The following MRPL24 variants were observed in gnomAD, a reference collection of about 807,000 sequenced individuals.
The protein encoded by MRPL24 is mitochondrial ribosomal protein L24.
In MRPL24, 15 loss-of-function variants were observed where a neutral mutation model predicts 26.9. The observed-to-expected ratio is 0.56, with a 90% CI of 0.37 to 0.86. The LOEUF is 0.86. Ranked by LOEUF, MRPL24 falls within the 40% of genes least tolerant of loss-of-function variation. The pLI is 0.00. For synonymous variants in MRPL24, 92 were observed against 102.4 expected (o/e 0.90, Z 0.62); for missense variants, 241 against 281.4 (o/e 0.86, Z 1.03).
In MRPL24 at chr1:156,738,556, GA is replaced by G; in HGVS notation, c.148del (p.Ser50LeufsTer16). Reference sequence around the variant, plus strand: ...ACAGAACAGATACCAGTCTTCATCAGAGATGGGTTCCACAACCACTGGGCGC... The same window carrying G: ...ACAGAACAGATACCAGTCTTCATCAGGATGGGTTCCACAACCACTGGGCGC... Reference protein sequence around the residue: ...RRRPVVVEPISDEDWYLFCGD... With the variant: ...RRRPVVVEPIXDEDWYLFCGD... On this transcript the variant is annotated frameshift_variant, in exon 2 of 6. Transcript: ENST00000361531. LOFTEE classifies it high-confidence loss of function. 6.2e-7 allele frequency: 1 copy of G among 1,614,126 alleles called. No homozygotes were observed. Among genetic ancestry groups the G allele is most frequent in the South Asian group, 1.1e-5 (1 of 91,086 alleles).
rs73002708 is a variant in MRPL24, at chr1:156,738,334, T to G, written c.279+9A>C. 0.019 allele frequency: 31,403 copies of G among 1,613,630 alleles called. 381 individuals are homozygous for G. Among genetic ancestry groups the G allele is most frequent in the African/African-American group, 0.047 (3,517 of 74,976 alleles). ...TTCCTGAGCATCCCCATCCCCTCTC[T>G]CAACTTACTGTGTTCAGCCCTCCCA... On this transcript the variant is annotated intron_variant, in intron 3 of 5. Coordinates refer to ENST00000361531, the MANE Select transcript of MRPL24 (RefSeq NM_145729.3).
At chr1:156,741,211 C>A (rs1489924958), upstream of MRPL24, 1 of 152,226 alleles carries the variant, frequency 6.6e-6, no homozygotes. Context: ...TAGTCCGCCG[C>A]TAGAAAGCTG....
In MRPL24 at chr1:156,738,016, A is replaced by G; in HGVS notation, c.383+15T>C. ...AGAGGGTGAGAAACCCTCTGCCCAGAGCCCCGTTGCTTGCCTGTCCATAGG... is the reference window on the plus strand; with the variant it reads ...AGAGGGTGAGAAACCCTCTGCCCAGGGCCCCGTTGCTTGCCTGTCCATAGG... On this transcript the variant is annotated intron_variant, in intron 4 of 5. Transcript: ENST00000361531. 6.2e-7 allele frequency: 1 copy of G among 1,612,244 alleles called. No individual in the cohort carries two copies. The highest frequency in any genetic ancestry group is 8.5e-7 in the Non-Finnish European group (1 of 1,178,482).
Position 156,737,366 on chromosome 1 carries a change from AGAAGTTGG to A in MRPL24, c.*24_*31del. 2 of 1,535,774 alleles carry A rather than the reference AGAAGTTGG, an allele frequency of 1.3e-6. No individual in the cohort carries two copies. The highest frequency in any genetic ancestry group is 1.7e-6 in the Non-Finnish European group (2 of 1,147,146). On this transcript the variant is annotated 3_prime_UTR_variant, in exon 6 of 6. Coordinates refer to ENST00000361531, the MANE Select transcript of MRPL24 (RefSeq NM_145729.3). ...GTGCCTCAGCCTTCAAGGCTGGGAC[AGAAGTTGG>A]GGAGGAGCTGCTCTGCCCCAGGCTC...
intron 1 of MRPL24, chr1:156,740,641 GA>G (rs1405733317): frequency 6.6e-6 from 1 of 152,080 alleles, no homozygotes; most frequent in Non-Finnish European, 1.5e-5. Context: ...CTTAAGACCC[GA>G]GCCTTCTGTG....
chr1:156,737,783 G>T lies in MRPL24; in HGVS notation c.384-7C>A. The T allele has an allele frequency of 6.2e-7, 1 of 1,613,988 alleles. No homozygotes were observed. The highest frequency in any genetic ancestry group is 8.5e-7 in the Non-Finnish European group (1 of 1,179,966). On this transcript the variant is annotated splice_polypyrimidine_tract_variant and splice_region_variant and intron_variant, in intron 4 of 5. Coordinates refer to ENST00000361531, the MANE Select transcript of MRPL24 (RefSeq NM_145729.3). ...CTCGATCTCAGTGGGTTTCCTGGTG[G>T]ATAGAAGAGGTGAGCCTGGCCTACG...
Position 156,737,475 on chromosome 1 carries a change from T to C in MRPL24, c.574A>G (p.Lys192Glu). 1 of 1,612,688 alleles carries C rather than the reference T, an allele frequency of 6.2e-7. No individual in the cohort carries two copies. Among genetic ancestry groups the C allele is most frequent in the Non-Finnish European group, 8.5e-7 (1 of 1,179,386 alleles). The change falls in exon 6 of 6, where the codon AAG (lysine) becomes GAG (glutamate). Residue 192 changes from lysine (K) to glutamate (E), a missense_variant. Transcript: ENST00000361531. ...ALERTYVPCL[K>E]TLQEEVMEAM... Reference sequence around the variant, plus strand: ...TCCATCACCTCCTCCTGCAGTGTCTTTAGACAGGGCACATAGGTTCTTTCT... The same window carrying C: ...TCCATCACCTCCTCCTGCAGTGTCTCTAGACAGGGCACATAGGTTCTTTCT...
chr1:156,738,560 T>C lies in MRPL24; in HGVS notation c.145A>G (p.Ile49Val), dbSNP rs376134220. Residue 49 changes from isoleucine to valine, a missense_variant, in exon 2 of 6, where the codon ATC becomes GTC. Coordinates refer to ENST00000361531, the MANE Select transcript of MRPL24 (RefSeq NM_145729.3). ...IRRRPVVVEP[I>V]SDEDWYLFCG... ...AACAGATACCAGTCTTCATCAGAGA[T>C]GGGTTCCACAACCACTGGGCGCCGC... The C allele has an allele frequency of 7.4e-6, 12 of 1,614,118 alleles. No homozygotes were observed. Among genetic ancestry groups the C allele is most frequent in the Non-Finnish European group, 8.5e-7 (1 of 1,180,006 alleles).
Position 156,737,456 on chromosome 1 carries a change from ACCT to A in MRPL24, c.590_592del (p.Glu197del). ...CTCCTTGATCCCCATGGCCTCCATC[ACCT>A]CCTCCTGCAGTGTCTTTAGACAGGG... On this transcript the variant is annotated inframe_deletion, in exon 6 of 6. Coordinates refer to ENST00000361531, the MANE Select transcript of MRPL24 (RefSeq NM_145729.3). 1.9e-6 allele frequency: 3 copies of A among 1,612,034 alleles called. No homozygotes were observed. The highest frequency in any genetic ancestry group is 2.5e-6 in the Non-Finnish European group (3 of 1,179,188).
chr1:156,737,901 AC>A, intron 4 of MRPL24, 125 bp from the exon 5 acceptor site: 2 of 1,461,092 alleles, frequency 1.4e-6, no homozygotes, highest in Non-Finnish European at 1.9e-6. Context: ...TGTTGGGGTT[AC>A]CCGCAGGGAA....
chr1:156,738,308 C>G, intron 3 of MRPL24, 35 bp downstream of exon 3: 1 of 1,600,332 alleles, frequency 6.2e-7, no homozygotes, highest in Non-Finnish European at 8.6e-7. Flanking sequence ...ATGAGACAGG[C>G]TTCCTGAGCA....
intron 4 of MRPL24, 84 bp from the exon 5 acceptor site, chr1:156,737,860 C>T: frequency 6.4e-7 from 1 of 1,567,682 alleles, no homozygotes. Context: ...GTTCAAAACA[C>T]AAGGGTTACC....
At chr1:156,740,016 G>A (rs1650024072) in intron 1 of MRPL24, among the ~76,000 whole-genome samples, 1 of 152,088 alleles carries the variant, frequency 6.6e-6, no homozygotes. Context: ...ACATTTACAG[G>A]GTTGTGGGTG....
intron 4 of MRPL24, 26 bp downstream of exon 4, chr1:156,738,005 C>T (rs112487863): frequency 1.2e-6 from 2 of 1,608,538 alleles, no homozygotes; most frequent in East Asian, 2.2e-5. Context: ...GGTGAGAAAC[C>T]CTCTGCCCAG....
upstream of MRPL24, chr1:156,741,228 G>A (rs890362724): frequency 1.3e-5 from 2 of 152,252 alleles, no homozygotes; most frequent in Admixed American, 6.5e-5. Context: ...GCTGGAAACA[G>A]GAAGTTTGGC....
chr1:156,738,166 G>C (rs373639335), intron 3 of MRPL24, 32 bp from the exon 4 acceptor site: 2 of 1,608,322 alleles, frequency 1.2e-6, no homozygotes, highest in Non-Finnish European at 1.7e-6. Flanking sequence ...CAGAAAGCAC[G>C]GGGTGTGAAA....
chr1:156,741,231 A>C (rs1355966377), upstream of MRPL24: 3 of 152,226 alleles, frequency 2.0e-5, no homozygotes, highest in Non-Finnish European at 2.9e-5. Context: ...GGAAACAGGA[A>C]GTTTGGCGGG....
upstream of MRPL24, chr1:156,741,442 C>G (rs1650106798): frequency 6.6e-6 from 1 of 152,234 alleles, no homozygotes; most frequent in Admixed American, 6.5e-5. Flanking sequence ...CCTTTCCAGA[C>G]AGGGCTACCG....
upstream of MRPL24, chr1:156,741,184 C>T (rs1356937103): frequency 6.6e-6 from 1 of 152,218 alleles, no homozygotes. Flanking sequence ...TCTTACCTCT[C>T]AGCATGCTGG....
Sources: allele counts gnomAD v4.1 joint callset (sites outside exome capture counted in the v4.1 genomes callset), GRCh38; gene constraint gnomAD v4.1.1; transcripts MANE v1.5; gene names NCBI Gene and HGNC (gene_info 2026-07-23, HGNC 2026-07-21).